Variants in NT5DC1 observed in about 807,000 individuals in gnomAD.
NT5DC1 encodes the protein 5'-nucleotidase domain containing 1, also known as 5'-nucleotidase domain-containing protein 1.
Under a neutral mutation model 59.4 loss-of-function variants are expected in NT5DC1, and 42 were observed. That is an observed-to-expected ratio of 0.71 (90% confidence interval 0.55 to 0.92). NT5DC1 has a LOEUF of 0.92. Ranked by LOEUF, NT5DC1 falls within the 40% of genes least tolerant of loss-of-function variation. The probability of loss-of-function intolerance (pLI) is 0.00; values close to 1 mark genes in which losing one functional copy is unlikely to be tolerated. For missense variants in NT5DC1, 501 were observed against 537.1 expected (o/e 0.93, Z 0.66); for synonymous variants, 172 against 188.1 (o/e 0.91, Z 0.70).
intron 6 of NT5DC1, among the ~76,000 whole-genome samples, chr6:116,184,715 T>C (rs1780958033): frequency 6.6e-6 from 1 of 152,128 alleles, no homozygotes; most frequent in South Asian, 2.1e-4. Flanking sequence ...CATATTTATG[T>C]AGTATCAGTT....
rs1379673243 is a variant in NT5DC1 at position 116,100,924 on chromosome 6, C to T, written c.-7C>T. 3.8e-6 allele frequency: 6 copies of T among 1,594,314 alleles called. No individual in the cohort carries two copies. ...CCGAGGCGCTCCCTGGTGCTCCCCG[C>T]GCAGCCATGGCTCAGCACTTCTCCC... On this transcript the variant is annotated 5_prime_UTR_variant, in exon 1 of 12. Coordinates refer to ENST00000319550, the MANE Select transcript of NT5DC1 (RefSeq NM_152729.3).
chr6:116,107,025 T>G (rs1223817977), intron 2 of NT5DC1, among the ~76,000 whole-genome samples: 1 of 151,674 alleles, frequency 6.6e-6, no homozygotes, highest in Non-Finnish European at 1.5e-5. Context: ...ACCCCAACTC[T>G]GCAAAAAATA....
chr6:116,149,523 A>G (rs1779982500), intron 6 of NT5DC1, among the ~76,000 whole-genome samples: 1 of 152,212 alleles, frequency 6.6e-6, no homozygotes, highest in Non-Finnish European at 1.5e-5. Context: ...CAGAGCTTTC[A>G]AAACAGAATG....
rs1771812979 is a variant in NT5DC1 at position 116,244,936 on chromosome 6, T to C, written c.*912T>C. On this transcript the variant is annotated 3_prime_UTR_variant, in exon 12 of 12. Transcript: ENST00000319550. The stretch of plus-strand genomic sequence containing the variant: ...AATTGGTTCTTGGGGTGAAAAAATA[T>C]TAGATATGGCTTGTGGACTTCCAAT... 6.6e-6 allele frequency: 1 copy of C among 152,164 alleles called. No homozygotes were observed. The highest frequency in any genetic ancestry group is 1.5e-5 in the Non-Finnish European group (1 of 68,008). The allele number at this position is 152,164 out of a possible 1,614,324, so 9.4% of individuals were successfully genotyped here.
intron 7 of NT5DC1, among the ~76,000 whole-genome samples, chr6:116,221,853 A>G (rs1781813850): frequency 6.6e-6 from 1 of 152,226 alleles, no homozygotes; most frequent in Admixed American, 6.5e-5. Flanking sequence ...AAATAGCATA[A>G]TACAGGTAGA....
chr6:116,140,944 G>T (rs1779749279), intron 6 of NT5DC1, among the ~76,000 whole-genome samples: 1 of 152,072 alleles, frequency 6.6e-6, no homozygotes. Context: ...TTTCCTGGCT[G>T]CATGCAAAAG....
intron 6 of NT5DC1, among the ~76,000 whole-genome samples, chr6:116,181,109 G>A (rs909450673): frequency 3.3e-5 from 5 of 151,938 alleles, no homozygotes; most frequent in African/African-American, 1.2e-4. Flanking sequence ...TACATATATA[G>A]ATGAAAAGAT....
At chr6:116,238,679 A>T (rs940567217) in intron 10 of NT5DC1, among the ~76,000 whole-genome samples, 1 of 152,088 alleles carries the variant, frequency 6.6e-6, no homozygotes, top group Admixed American at 6.5e-5. Flanking sequence ...TATTTTTATT[A>T]TAGGGAAAAA....
At chr6:116,120,442 G>A in intron 6 of NT5DC1, 1 of 1,614,266 alleles carries the variant, frequency 6.2e-7, no homozygotes, top group Non-Finnish European at 8.5e-7. Context: ...AAGCTTTGGA[G>A]AGAATAACAG....
At chr6:116,135,900 G>A (rs1010213750) in intron 6 of NT5DC1, among the ~76,000 whole-genome samples, 1 of 130,888 alleles carries the variant, frequency 7.6e-6, no homozygotes, top group African/African-American at 2.9e-5. Flanking sequence ...TTGCTAAATG[G>A]TTACCACAAT....
chr6:116,239,339 C>A (rs1351095426), intron 11 of NT5DC1, among the ~76,000 whole-genome samples: 2 of 152,006 alleles, frequency 1.3e-5, no homozygotes, highest in Non-Finnish European at 2.9e-5. Context: ...AGCTTGGAGG[C>A]ATATTATAAA....
chr6:116,164,685 G>C (rs1306304245), intron 6 of NT5DC1, among the ~76,000 whole-genome samples: 3 of 152,100 alleles, frequency 2.0e-5, no homozygotes, highest in African/African-American at 7.2e-5. Flanking sequence ...TTGTACTTAC[G>C]TGTGCTTTTG....
At chr6:116,214,410 A>G (rs1007121686) in intron 6 of NT5DC1, among the ~76,000 whole-genome samples, 12 of 152,172 alleles carry the variant, frequency 7.9e-5, no homozygotes, top group Non-Finnish European at 1.8e-4. Context: ...TTAAATATGC[A>G]TAATCTGGTT....
chr6:116,121,830 AC>A (rs1779140746), intron 6 of NT5DC1: 1 of 1,612,650 alleles, frequency 6.2e-7, no homozygotes, highest in Non-Finnish European at 8.5e-7. Context: ...GGTCCTGGCA[AC>A]CCTGGCTCTC....
At chr6:116,202,042 G>A (rs1308478736) in intron 6 of NT5DC1, among the ~76,000 whole-genome samples, 1 of 152,110 alleles carries the variant, frequency 6.6e-6, no homozygotes, top group African/African-American at 2.4e-5. Context: ...CAGTGTGGTA[G>A]CCATTAACCA....
intron 5 of NT5DC1, among the ~76,000 whole-genome samples, chr6:116,116,825 T>C (rs1298094793): frequency 6.6e-6 from 1 of 152,086 alleles, no homozygotes; most frequent in Non-Finnish European, 1.5e-5. Flanking sequence ...ACAAGGAAAG[T>C]GTATCAGTCT....
At chr6:116,125,059 T>G (rs184767460) in intron 6 of NT5DC1, among the ~76,000 whole-genome samples, 2 of 152,246 alleles carry the variant, frequency 1.3e-5, no homozygotes, top group Admixed American at 6.5e-5. Context: ...TGCAGTTATT[T>G]GTGCAAAAGC....
At chr6:116,212,098 AT>A (rs1330194539) in intron 6 of NT5DC1, among the ~76,000 whole-genome samples, 6 of 152,090 alleles carry the variant, frequency 3.9e-5, no homozygotes, top group Non-Finnish European at 7.4e-5. Flanking sequence ...TTCTAATACT[AT>A]TTTATCAATT....
At chr6:116,147,028 G>A (rs1779916364) in intron 6 of NT5DC1, among the ~76,000 whole-genome samples, 1 of 149,558 alleles carries the variant, frequency 6.7e-6, no homozygotes, top group Non-Finnish European at 1.5e-5. Flanking sequence ...TAATCATGTA[G>A]TCAGAAAGCC....
Sources: gnomAD v4.1 joint callset for allele counts (sites outside exome capture counted in the v4.1 genomes callset) on GRCh38, gnomAD v4.1.1 for gene constraint, MANE v1.5 for transcripts, NCBI Gene and HGNC (gene_info 2026-07-23, HGNC 2026-07-21) for gene names.